STK3: variants seen among roughly 807,000 people sequenced by gnomAD.
STK3 encodes the protein serine/threonine-protein kinase 3.
A neutral mutation model predicts 58.0 loss-of-function variants in STK3; 41 were observed. The observed-to-expected ratio is 0.71, with a 90% CI of 0.55 to 0.92. The LOEUF is 0.92. Ranked by LOEUF, STK3 falls within the 40% of genes least tolerant of loss-of-function variation. The pLI, the probability that STK3 is intolerant of heterozygous loss-of-function variation, is 0.00. For synonymous variants in STK3, 170 were observed against 191.0 expected (o/e 0.89, Z 0.91); for missense variants, 479 against 602.7 (o/e 0.79, Z 2.15).
At chr8:98,680,835 T>G (rs1563882905) in intron 6 of STK3, among the ~76,000 whole-genome samples, 1 of 152,108 alleles carries the variant, frequency 6.6e-6, no homozygotes, top group Non-Finnish European at 1.5e-5. Flanking sequence ...AAATAAAAAA[T>G]TATAAATATG....
intron 4 of STK3, among the ~76,000 whole-genome samples, chr8:98,718,535 C>T (rs1478226809): frequency 6.6e-6 from 1 of 152,150 alleles, no homozygotes; most frequent in Non-Finnish European, 1.5e-5. Context: ...TAACCACTAA[C>T]CACACATGGC....
At chr8:98,902,338 TC>T (rs1350371079) in intron 1 of STK3, among the ~76,000 whole-genome samples, 1 of 152,176 alleles carries the variant, frequency 6.6e-6, no homozygotes, top group African/African-American at 2.4e-5. Flanking sequence ...TACACACATC[TC>T]CACTTAAATG....
intron 2 of STK3, among the ~76,000 whole-genome samples, chr8:98,772,122 T>C (rs924179161): frequency 1.3e-5 from 2 of 152,236 alleles, no homozygotes; most frequent in Non-Finnish European, 2.9e-5. Flanking sequence ...TTCATTGTTT[T>C]ATAATTTATA....
chr8:98,768,562 G>A (rs1831091711), intron 2 of STK3, among the ~76,000 whole-genome samples: 1 of 152,146 alleles, frequency 6.6e-6, no homozygotes, highest in Non-Finnish European at 1.5e-5. Context: ...ATGTATGTGT[G>A]TGTATCTCCC....
At chr8:98,711,475 T>G (rs1181642984) in intron 4 of STK3, among the ~76,000 whole-genome samples, 1 of 152,110 alleles carries the variant, frequency 6.6e-6, no homozygotes, top group African/African-American at 2.4e-5. Context: ...GCACGAGAAC[T>G]ACGTGACAAA....
chr8:98,815,443 G>C (rs141155111), intron 1 of STK3, among the ~76,000 whole-genome samples: 1 of 152,130 alleles, frequency 6.6e-6, no homozygotes, highest in African/African-American at 2.4e-5. Flanking sequence ...GAGAAACCAC[G>C]GCTTTTTGGA....
intron 6 of STK3, among the ~76,000 whole-genome samples, chr8:98,677,855 C>G (rs1436277242): frequency 6.6e-6 from 1 of 152,142 alleles, no homozygotes; most frequent in African/African-American, 2.4e-5. Flanking sequence ...TGAATACCAT[C>G]AGCACAAGAG....
chr8:98,936,100 A>G (rs111899801), intron 1 of STK3, among the ~76,000 whole-genome samples: 2,900 of 152,028 alleles, frequency 0.019, 60 homozygotes, highest in Non-Finnish European at 0.028. Flanking sequence ...TTGCATTTTC[A>G]GTAGAGACAG....
At chr8:98,771,390 T>C (rs1459131800) in intron 2 of STK3, among the ~76,000 whole-genome samples, 4 of 152,346 alleles carry the variant, frequency 2.6e-5, no homozygotes, top group South Asian at 2.1e-4. Flanking sequence ...TTGTAAATAA[T>C]ATGCTATGAG....
At chr8:98,805,500 A>G (rs1342377563) in intron 1 of STK3, among the ~76,000 whole-genome samples, 4 of 152,102 alleles carry the variant, frequency 2.6e-5, no homozygotes, top group Non-Finnish European at 5.9e-5. Flanking sequence ...GCTTGAACCC[A>G]GGAGGCAGAG....
At chr8:98,870,903 A>G (rs1837348604) in intron 3 of STK3, among the ~76,000 whole-genome samples, 1 of 152,204 alleles carries the variant, frequency 6.6e-6, no homozygotes, top group Admixed American at 6.5e-5. Context: ...TGTTTTAGTC[A>G]CGAAGTCCTT....
chr8:98,688,277 T>TAA (rs1379039544), intron 6 of STK3, among the ~76,000 whole-genome samples: 4 of 152,156 alleles, frequency 2.6e-5, no homozygotes, highest in Non-Finnish European at 5.9e-5. Flanking sequence ...TGAAAACAAT[T>TAA]ACTTTTAGAC....
intron 10 of STK3, among the ~76,000 whole-genome samples, chr8:98,472,517 C>T (rs968036076): frequency 6.6e-6 from 1 of 152,118 alleles, no homozygotes; most frequent in Non-Finnish European, 1.5e-5. Flanking sequence ...TATTTACATA[C>T]ATTGTATCAC....
intron 3 of STK3, among the ~76,000 whole-genome samples, chr8:98,866,271 G>A (rs866020494): frequency 1.3e-5 from 2 of 152,120 alleles, no homozygotes; most frequent in African/African-American, 2.4e-5. Flanking sequence ...ATAAACATTC[G>A]CTGAAAGCCT....
intron 3 of STK3, among the ~76,000 whole-genome samples, chr8:98,836,544 C>A (rs934244231): frequency 4.6e-5 from 7 of 152,216 alleles, no homozygotes; most frequent in Non-Finnish European, 7.3e-5. Context: ...TTAGAGGTGT[C>A]TTTGCTTCTT....
intron 6 of STK3, among the ~76,000 whole-genome samples, chr8:98,647,317 TG>T (rs1253452450): frequency 3.9e-5 from 6 of 152,216 alleles, no homozygotes; most frequent in African/African-American, 1.4e-4. Flanking sequence ...TCCTTCTTAG[TG>T]TACACTCTAG....
chr8:98,761,589 T>C (rs935062481), intron 3 of STK3, among the ~76,000 whole-genome samples: 8 of 152,228 alleles, frequency 5.3e-5, no homozygotes, highest in African/African-American at 1.9e-4. Context: ...AACATCTTAC[T>C]ATAATCTTAG....
At chr8:98,474,360 C>T (rs1300441621) in intron 10 of STK3, among the ~76,000 whole-genome samples, 5 of 152,156 alleles carry the variant, frequency 3.3e-5, no homozygotes, top group African/African-American at 9.7e-5. Context: ...CTCTTTCTTG[C>T]ATATGAAATC....
chr8:98,442,571 T>C (rs1035993739), intron 1 of STK3, among the ~76,000 whole-genome samples: 1 of 152,248 alleles, frequency 6.6e-6, no homozygotes, highest in African/African-American at 2.4e-5. Context: ...CATCTGCATG[T>C]GTGCTGAAGC....
Sources: gnomAD v4.1 joint callset for allele counts (sites outside exome capture counted in the v4.1 genomes callset) on GRCh38, gnomAD v4.1.1 for gene constraint, MANE v1.5 for transcripts, NCBI Gene and HGNC (gene_info 2026-07-23, HGNC 2026-07-21) for gene names.